MSH5: variants seen among roughly 807,000 people sequenced by gnomAD.
MSH5 encodes mutS homolog 5.
MSH5 carries 78 observed loss-of-function variants against 107.7 expected under a neutral mutation model. The ratio of observed to expected loss-of-function variants is 0.72; its 90% CI spans 0.60 to 0.87. The LOEUF (loss-of-function observed/expected upper bound fraction) is 0.87, where lower values mean the gene tolerates loss of function less well. Ranked by LOEUF, MSH5 falls within the 40% of genes least tolerant of loss-of-function variation. The pLI, the probability that MSH5 is intolerant of heterozygous loss-of-function variation, is 0.00. For missense variants in MSH5, 889 were observed against 1,046.6 expected, an observed-to-expected ratio of 0.85 and a Z score of 2.08; for synonymous variants, 326 against 399.5, an observed-to-expected ratio of 0.82 and a Z score of 2.19.
At position 31,759,591 on chromosome 6, in the gene MSH5, A is replaced by G. The variant is rs1810779293; in HGVS notation, c.1495+79A>G. On this transcript the variant is annotated intron_variant, in intron 17 of 24. Transcript: ENST00000375750. This position sits in a 1 kb window ranked among gnomAD's most constrained non-coding sequence, Gnocchi z 4.7. Reference sequence around the variant, plus strand: ...GCCAGGGGAAGGAGGGGAGTGGGCAACTTGGGGATGCTTCCAACAGGCCCC... The same window carrying G: ...GCCAGGGGAAGGAGGGGAGTGGGCAGCTTGGGGATGCTTCCAACAGGCCCC... The G allele has an allele frequency of 6.7e-7, 1 of 1,487,282 alleles. No homozygotes were observed. The highest frequency in any genetic ancestry group is 9.3e-7 in the Non-Finnish European group (1 of 1,075,802). 92.1% of individuals were successfully genotyped at this position (1,487,282 alleles called of 1,614,324 possible).
intron 12 of MSH5, chr6:31,756,483 C>A (rs1170724917): frequency 1.3e-5 from 2 of 152,054 alleles, no homozygotes; most frequent in East Asian, 1.9e-4. Flanking sequence ...TCTATTAATT[C>A]TTTAGCAATT....
At chr6:31,753,770 C>G (rs1249539310) in intron 12 of MSH5, 141 bp downstream of exon 12, 4 of 805,524 alleles carry the variant, frequency 5.0e-6, no homozygotes, top group East Asian at 5.4e-5. Flanking sequence ...GCTCTGTCGC[C>G]CAGGCTGAAG....
At chr6:31,754,361 G>A (rs1302676608) in intron 12 of MSH5, among the ~76,000 whole-genome samples, 1 of 152,050 alleles carries the variant, frequency 6.6e-6, no homozygotes, top group Non-Finnish European at 1.5e-5. Flanking sequence ...TGTTGGCCAG[G>A]CTGGTCTCAA....
In MSH5 at chr6:31,740,430, C is replaced by T. The variant is rs1250024228; in HGVS notation, c.-13-24C>T. The T allele has an allele frequency of 5.2e-6, 8 of 1,543,088 alleles. No individual in the cohort carries two copies. The highest frequency in any genetic ancestry group is 6.1e-6 in the Non-Finnish European group (7 of 1,143,642). ...CCTCTGTGAATCGTTGCTTCCGAAC[C>T]GCCCTCACTTTTTGCATCCGCAGAG... On this transcript the variant is annotated intron_variant, in intron 1 of 24. Coordinates refer to ENST00000375750, the MANE Select transcript of MSH5 (RefSeq NM_172166.4). The surrounding 1 kb of genome is among the most constrained non-coding windows in gnomAD (Gnocchi z 4.4).
At chr6:31,755,612 C>T (rs3130487) in intron 12 of MSH5, among the ~76,000 whole-genome samples, 139,099 of 152,198 alleles carry the variant, frequency 0.91, 63,780 homozygotes, top group East Asian at 1. Flanking sequence ...TCTGCCTGCC[C>T]CGGCCTCCCA....
At chr6:31,754,217 T>C (rs945680255) in intron 12 of MSH5, among the ~76,000 whole-genome samples, 2 of 151,766 alleles carry the variant, frequency 1.3e-5, no homozygotes, top group Non-Finnish European at 2.9e-5. Flanking sequence ...TGGTGCGATC[T>C]CGGCTCACTG....
Position 31,746,080 on chromosome 6 carries a change from TTGTGTGTGTG to T in MSH5, c.766+786_766+795del, listed in dbSNP as rs756645495. The T allele has an allele frequency of 2.8e-3, 332 of 116,844 alleles. 5 individuals carry two copies. Among genetic ancestry groups the T allele is most frequent in the African/African-American group, 0.011 (306 of 27,000 alleles). 7.2% of individuals were successfully genotyped at this position (116,844 alleles called of 1,614,324 possible). On this transcript the variant is annotated intron_variant, in intron 9 of 24. Transcript: ENST00000375750. ...CGCGCCTGGCCAGTTGTGTCCAGTT[TTGTGTGTGTG>T]TGTGTGTGTGTGTGTGTGTGTGTGA...
At chr6:31,751,092 G>A (rs896531610) in intron 10 of MSH5, among the ~76,000 whole-genome samples, 10 of 151,966 alleles carry the variant, frequency 6.6e-5, no homozygotes, top group Admixed American at 5.3e-4. Flanking sequence ...TCCACCTCCC[G>A]GGTTTACACC....
Position 31,740,448 on chromosome 6 carries a change from C to A in MSH5, c.-13-6C>A, listed in dbSNP as rs1176642800. 6.4e-7 allele frequency: 1 copy of A among 1,551,896 alleles called. No homozygotes were observed. Among genetic ancestry groups the A allele is most frequent in the Non-Finnish European group, 8.7e-7 (1 of 1,147,590 alleles). ...TCCGAACCGCCCTCACTTTTTGCAT[C>A]CGCAGAGCCTCCAAGCTCATGGCCT... On this transcript the variant is annotated splice_region_variant and splice_polypyrimidine_tract_variant and intron_variant, in intron 1 of 24. Coordinates refer to ENST00000375750, the MANE Select transcript of MSH5 (RefSeq NM_172166.4). The surrounding 1 kb of genome is among the most constrained non-coding windows in gnomAD (Gnocchi z 4.4).
chr6:31,761,143 G>A lies in MSH5; in HGVS notation c.1963-45G>A, dbSNP rs771632154. The A allele has an allele frequency of 7.6e-6, 12 of 1,585,836 alleles. No individual in the cohort carries two copies. Among genetic ancestry groups the A allele is most frequent in the South Asian group, 3.4e-5 (3 of 88,688 alleles). On this transcript the variant is annotated intron_variant, in intron 20 of 24. Transcript: ENST00000375750. The surrounding 1 kb of genome is among the most constrained non-coding windows in gnomAD (Gnocchi z 5.3). ...AGGCCAACTGTGGTCAGTGCGTTACGGGCTTCCAATACTAACTTTCCCTTG... is the reference window on the plus strand; with the variant it reads ...AGGCCAACTGTGGTCAGTGCGTTACAGGCTTCCAATACTAACTTTCCCTTG...
chr6:31,756,704 G>C (rs576314572), intron 12 of MSH5: 1 of 151,542 alleles, frequency 6.6e-6, no homozygotes, highest in Non-Finnish European at 1.5e-5. Context: ...GCACAATCTT[G>C]GCTCACTGCA....
intron 10 of MSH5, among the ~76,000 whole-genome samples, chr6:31,752,307 C>T (rs1022852233): frequency 2.0e-5 from 3 of 150,342 alleles, no homozygotes; most frequent in East Asian, 2.0e-4. Context: ...AGCACAGTGG[C>T]GGGTGCCTGT....
intron 10 of MSH5, among the ~76,000 whole-genome samples, chr6:31,748,354 T>C (rs1272649078): frequency 6.6e-6 from 1 of 150,630 alleles, no homozygotes; most frequent in Non-Finnish European, 1.5e-5. Flanking sequence ...CTTTTTTTTT[T>C]TTTTTTTTTT....
At chr6:31,746,100 G>GTGTGTGTGTGTGTGTGTA (rs1377345239) in intron 9 of MSH5, 23 of 149,122 alleles carry the variant, frequency 1.5e-4, no homozygotes, top group African/African-American at 5.3e-4. Context: ...GTGTGTGTGT[G>GTGTGTGTGTGTGTGTGTA]TGTGTGTGTG....
At chr6:31,743,432 G>T (rs866675437) in intron 5 of MSH5, 1 of 543,800 alleles carries the variant, frequency 1.8e-6, no homozygotes, top group Middle Eastern at 3.8e-4. Flanking sequence ...TTTGGACAGG[G>T]TTTTATTGTT....
Position 31,740,177 on chromosome 6 carries a change from C to G in MSH5, c.-14+115C>G. 2.9e-6 allele frequency: 1 copy of G among 347,250 alleles called. No homozygotes were observed. The highest frequency in any genetic ancestry group is 5.3e-6 in the Non-Finnish European group (1 of 189,922). The allele number at this position is 347,250 out of a possible 1,614,324, so 21.5% of individuals were successfully genotyped here. On this transcript the variant is annotated intron_variant, in intron 1 of 24. Transcript: ENST00000375750. This position sits in a 1 kb window ranked among gnomAD's most constrained non-coding sequence, Gnocchi z 4.4. ...GGCAGAGGCAGAGACATAAGACGTG[C>G]ACGACTCGCCCCACAGGGCCCTCAG...
rs780305341 is a variant in MSH5, at chr6:31,760,140, A to C, written c.1736A>C (p.Glu579Ala). 6.2e-7 allele frequency: 1 copy of C among 1,611,350 alleles called. No homozygotes were observed. The highest frequency in any genetic ancestry group is 2.2e-5 in the East Asian group (1 of 44,880). The change falls in exon 19 of 25, where the codon GAA becomes GCA. Residue 579 changes from glutamate (E) to alanine (A), a missense_variant. This residue lies in a region of MSH5 where 362 missense variants were observed against 456.2 expected (regional missense o/e 0.79). Transcript: ENST00000375750. This position sits in a 1 kb window ranked among gnomAD's most constrained non-coding sequence, Gnocchi z 5.6. ...CGAACCTTTGTGCCCAACTCCACAGAATGTGGTGGGGACAAAGGGAGGGTC... is the reference window on the plus strand; with the variant it reads ...CGAACCTTTGTGCCCAACTCCACAGCATGTGGTGGGGACAAAGGGAGGGTC... ...CARTFVPNST[E>A]CGGDKGRVKV...
chr6:31,744,196 G>A lies in MSH5; in HGVS notation c.544G>A (p.Ala182Thr). Residue 182 changes from alanine to threonine, a missense_variant, in exon 7 of 25, where the codon GCA becomes ACA. By Grantham distance (58) the Ala-to-Thr change is moderately conservative. Coordinates refer to ENST00000375750, the MANE Select transcript of MSH5 (RefSeq NM_172166.4). ...ACTGCTGATCCCCTCCCAGGTTCGAGCACTTGGAGGGCTGCTGAAGTTCCT... is the reference window on the plus strand; with the variant it reads ...ACTGCTGATCCCCTCCCAGGTTCGAACACTTGGAGGGCTGCTGAAGTTCCT... Reference protein sequence around the residue: ...IPFDCLLTVRALGGLLKFLGR... With the variant: ...IPFDCLLTVRTLGGLLKFLGR... 1.9e-6 allele frequency: 3 copies of A among 1,611,794 alleles called. No individual in the cohort carries two copies. Among genetic ancestry groups the A allele is most frequent in the South Asian group, 1.1e-5 (1 of 90,806 alleles).
At chr6:31,744,363 G>C in intron 7 of MSH5, 64 bp downstream of exon 7, 1 of 1,605,062 alleles carries the variant, frequency 6.2e-7, no homozygotes, top group Non-Finnish European at 8.5e-7. Context: ...AAAGTAAAGT[G>C]GGGGTGGGGT....
Sources: gnomAD v4.1 joint callset for allele counts (sites outside exome capture counted in the v4.1 genomes callset) on GRCh38, gnomAD v4.1.1 for gene constraint, gnomAD v4.1.1 regional missense constraint, Gnocchi (gnomAD v3.1) non-coding constraint, MANE v1.5 for transcripts, NCBI Gene and HGNC (gene_info 2026-07-23, HGNC 2026-07-21) for gene names.